The following NTM variants were observed in gnomAD, a reference collection of about 807,000 sequenced individuals.
NTM encodes neurotrimin.
A neutral mutation model predicts 42.1 loss-of-function variants in NTM; 13 were observed. The observed-to-expected ratio is 0.31, with a 90% CI of 0.20 to 0.49. The LOEUF is 0.49. NTM is among the 20% of genes least tolerant of loss of function. NTM has a pLI of 0.99. For synonymous variants in NTM, 187 were observed against 179.2 expected, an observed-to-expected ratio of 1.04 and a Z score of -0.35; for missense variants, 373 against 452.8, an observed-to-expected ratio of 0.82 and a Z score of 1.60.
Position 131,409,192 on chromosome 11 carries a change from C to T in NTM, c.82+38304C>T, listed in dbSNP as rs554317413. Among the ~76,000 whole-genome samples, 6 of 152,290 alleles carry T rather than the reference C, an allele frequency of 3.9e-5. No individual in the cohort carries two copies. In the South Asian group the frequency reaches 8.3e-4, roughly 21 times the overall value. On this transcript the variant is annotated intron_variant, in intron 1 of 8. Transcript: ENST00000683400. ...GTACAGCCAAATACTAACTGTGAAGCGAAATCTAGTTAAGACTGCAAAGTA... is the reference window on the plus strand; with the variant it reads ...GTACAGCCAAATACTAACTGTGAAGTGAAATCTAGTTAAGACTGCAAAGTA...
At position 131,567,487 on chromosome 11, in the gene NTM, GA is replaced by G. The variant is rs1033800157; in HGVS notation, c.82+196607del. The stretch of plus-strand genomic sequence containing the variant: ...TGGGCAATAGAGCAAGAATCTGTCT[GA>G]AAAAAAAGACCCAAAAATCTAGAGT... On this transcript the variant is annotated intron_variant, in intron 1 of 8. Transcript: ENST00000683400. Among the ~76,000 whole-genome samples, 3 of 151,508 alleles carry G rather than the reference GA, an allele frequency of 2.0e-5. No individual in the cohort carries two copies. In the East Asian group the frequency reaches 5.8e-4, roughly 29 times the overall value.
At chr11:132,051,428 T>C (rs2078838275) in intron 2 of NTM, among the ~76,000 whole-genome samples, 1 of 152,178 alleles carries the variant, frequency 6.6e-6, no homozygotes, top group African/African-American at 2.4e-5. Flanking sequence ...TGCTTATATT[T>C]TTCTTATATT....
intron 4 of NTM, among the ~76,000 whole-genome samples, chr11:132,277,823 A>AAT (rs140195880): frequency 0.12 from 17,509 of 151,660 alleles, 1,051 homozygotes; most frequent in Middle Eastern, 0.22. Context: ...ATCATGCTAA[A>AAT]ATATATATAT....
At chr11:132,068,584 T>C (rs961952164) in intron 2 of NTM, among the ~76,000 whole-genome samples, 6 of 152,214 alleles carry the variant, frequency 3.9e-5, no homozygotes, top group Non-Finnish European at 8.8e-5. Flanking sequence ...ATTGTCCAAT[T>C]CCAAAGCCAG....
chr11:131,400,250 C>T lies in NTM; in HGVS notation c.82+29362C>T, dbSNP rs569056369. 7.9e-5 allele frequency among the ~76,000 whole-genome samples: 12 copies of T among 152,226 alleles called. No homozygotes were observed. In the East Asian group the frequency reaches 2.1e-3, roughly 27 times the overall value. ...CTCTCTTTGTGTCCCCTCAGTTTAC[C>T]AGCTGTCCCGAAGCAATTGCAGCTC... On this transcript the variant is annotated intron_variant, in intron 1 of 8. Transcript: ENST00000683400.
intron 4 of NTM, among the ~76,000 whole-genome samples, chr11:132,251,912 T>C (rs987224120): frequency 6.6e-6 from 1 of 152,220 alleles, no homozygotes; most frequent in African/African-American, 2.4e-5. Flanking sequence ...ATCTTTAGGC[T>C]AACAGTGACA....
intron 2 of NTM, among the ~76,000 whole-genome samples, chr11:131,933,106 C>G (rs1399935796): frequency 6.6e-6 from 1 of 152,214 alleles, no homozygotes; most frequent in Non-Finnish European, 1.5e-5. Flanking sequence ...ATGTGGCACT[C>G]GGACAGCTGT....
intron 1 of NTM, among the ~76,000 whole-genome samples, chr11:131,729,593 C>T (rs1414020853): frequency 6.6e-6 from 1 of 152,150 alleles, no homozygotes; most frequent in Non-Finnish European, 1.5e-5. Flanking sequence ...CTTCCCATTC[C>T]CCGTCCTCCC....
chr11:132,097,726 C>A (rs919744847), intron 2 of NTM, among the ~76,000 whole-genome samples: 2 of 152,198 alleles, frequency 1.3e-5, no homozygotes, highest in Admixed American at 6.5e-5. Flanking sequence ...CGTGAACACT[C>A]GTGAACTTCT....
chr11:131,537,244 A>C (rs2052404802), intron 1 of NTM: 1 of 152,132 alleles, frequency 6.6e-6, no homozygotes, highest in Non-Finnish European at 1.5e-5. Flanking sequence ...ATTGAAAAAC[A>C]AAAAGGAAAT....
At chr11:131,489,664 C>T (rs1463909858) in intron 1 of NTM, among the ~76,000 whole-genome samples, 2 of 152,088 alleles carry the variant, frequency 1.3e-5, no homozygotes. Context: ...TGCTGGGGGC[C>T]CTTACGTTTT....
Position 132,079,691 on chromosome 11 carries a change from G to A in NTM, c.168-66591G>A, listed in dbSNP as rs150856495. On this transcript the variant is annotated intron_variant, in intron 2 of 8. Transcript: ENST00000683400. ...CACATTCTTGATGACAATTGTGAAC[G>A]TAACCTGGTTGCATGTTCCTGACAC... Among the ~76,000 whole-genome samples the A allele has an allele frequency of 3.5e-3, 531 of 152,310 alleles. 2 individuals carry two copies. Among genetic ancestry groups the A allele is most frequent in the South Asian group, 8.1e-3 (39 of 4,826 alleles).
intron 4 of NTM, among the ~76,000 whole-genome samples, chr11:132,252,453 G>A (rs891493674): frequency 5.3e-5 from 8 of 152,132 alleles, no homozygotes; most frequent in Non-Finnish European, 8.8e-5. Context: ...AAAAAGGGTG[G>A]AAATGGGAGA....
intron 1 of NTM, among the ~76,000 whole-genome samples, chr11:131,690,569 T>A (rs1299110641): frequency 6.6e-6 from 1 of 152,186 alleles, no homozygotes; most frequent in Admixed American, 6.5e-5. Flanking sequence ...TTCTCTGCCC[T>A]CAGAAACATA....
chr11:132,099,568 G>A (rs901057369), intron 2 of NTM, among the ~76,000 whole-genome samples: 6 of 152,046 alleles, frequency 3.9e-5, no homozygotes, highest in Admixed American at 2.0e-4. Flanking sequence ...GACTTGCCCC[G>A]GGTAGGTTAT....
rs1287450869 is a variant in NTM at position 131,789,572 on chromosome 11, A to G, written c.83-121992A>G. On this transcript the variant is annotated intron_variant, in intron 1 of 8. Coordinates refer to ENST00000683400, the MANE Select transcript of NTM (RefSeq NM_001352005.2). Reference sequence around the variant, plus strand: ...AAAGAAGAAGAAGAAGAAGAAGAAGAAGAAGAAGAAGAAGAAGAAGAAGAA... The same window carrying G: ...AAAGAAGAAGAAGAAGAAGAAGAAGGAGAAGAAGAAGAAGAAGAAGAAGAA... Among the ~76,000 whole-genome samples the G allele has an allele frequency of 5.3e-4, 26 of 49,140 alleles. 1 individual carries two copies. Among genetic ancestry groups the G allele is most frequent in the East Asian group, 1.7e-3 (3 of 1,800 alleles). The allele number at this position is 49,140 out of a possible 152,430, so 32.2% of individuals were successfully genotyped here.
chr11:131,420,740 G>A (rs1190344508), intron 1 of NTM, among the ~76,000 whole-genome samples: 1 of 152,134 alleles, frequency 6.6e-6, no homozygotes, highest in African/African-American at 2.4e-5. Flanking sequence ...GGGCTCAGGA[G>A]ACATAACCAA....
At chr11:131,999,999 T>G (rs909724275) in intron 2 of NTM, among the ~76,000 whole-genome samples, 9 of 152,148 alleles carry the variant, frequency 5.9e-5, no homozygotes, top group African/African-American at 2.2e-4. Context: ...TTTTCTTTTT[T>G]CCCCTTCCAC....
At chr11:131,875,764 C>T (rs544282799) in intron 1 of NTM, among the ~76,000 whole-genome samples, 14 of 152,286 alleles carry the variant, frequency 9.2e-5, no homozygotes, top group African/African-American at 3.4e-4. Context: ...GGACACTGTC[C>T]TGGAGCTGGA....
Sources: gnomAD v4.1 joint callset for allele counts (sites outside exome capture counted in the v4.1 genomes callset) on GRCh38, gnomAD v4.1.1 for gene constraint, MANE v1.5 for transcripts, NCBI Gene and HGNC (gene_info 2026-07-23, HGNC 2026-07-21) for gene names.